KCNH1: variants seen among roughly 807,000 people sequenced by gnomAD.
KCNH1 encodes potassium voltage-gated channel subfamily H member 1.
KCNH1 carries 27 observed loss-of-function variants against 69.2 expected under a neutral mutation model. The observed-to-expected ratio is 0.39, with a 90% CI of 0.29 to 0.54. The LOEUF is 0.54. KCNH1 is among the 20% of genes least tolerant of loss of function. The pLI is 0.68. For synonymous variants in KCNH1, 456 were observed against 487.7 expected, an observed-to-expected ratio of 0.93 and a Z score of 0.86; for missense variants, 798 against 1,261.6, an observed-to-expected ratio of 0.63 and a Z score of 5.57.
chr1:210,929,514 G>T (rs1687639877), intron 6 of KCNH1, among the ~76,000 whole-genome samples: 1 of 152,172 alleles, frequency 6.6e-6, no homozygotes, highest in Non-Finnish European at 1.5e-5. Flanking sequence ...AATCTGCAGA[G>T]AAGGAACACA....
intron 3 of KCNH1, among the ~76,000 whole-genome samples, chr1:211,100,038 T>A (rs1217818935): frequency 6.6e-6 from 1 of 152,198 alleles, no homozygotes; most frequent in Admixed American, 6.5e-5. Flanking sequence ...TTTCTTTTCA[T>A]TTCTTTTTTA....
chr1:210,944,335 GGACACA>G (rs1366002955), intron 6 of KCNH1, among the ~76,000 whole-genome samples: 3 of 152,164 alleles, frequency 2.0e-5, no homozygotes, highest in African/African-American at 7.2e-5. Flanking sequence ...GGTGATACTA[GGACACA>G]ATCCCATGTT....
intron 5 of KCNH1, among the ~76,000 whole-genome samples, chr1:211,058,834 C>T (rs1317212229): frequency 6.6e-6 from 1 of 152,058 alleles, no homozygotes; most frequent in Non-Finnish European, 1.5e-5. Context: ...AATCTGTTGC[C>T]TACAAGAAAC....
At chr1:210,839,752 A>G (rs562438281) in intron 7 of KCNH1, among the ~76,000 whole-genome samples, 24 of 152,292 alleles carry the variant, frequency 1.6e-4, no homozygotes, top group Admixed American at 1.6e-3. Context: ...GTGATACTCT[A>G]CTCGATTTCA....
intron 6 of KCNH1, among the ~76,000 whole-genome samples, chr1:211,014,320 C>T (rs1321120507): frequency 6.6e-6 from 1 of 152,208 alleles, no homozygotes; most frequent in Non-Finnish European, 1.5e-5. Context: ...TTGACATACC[C>T]GTTCTAAGCT....
intron 7 of KCNH1, chr1:210,918,883 C>T (rs557135999): frequency 3.5e-4 from 53 of 152,138 alleles, no homozygotes; most frequent in African/African-American, 1.2e-3. Flanking sequence ...TTTACTTAAC[C>T]GATACATCAG....
Position 211,134,001 on chromosome 1 carries a change from G to C in KCNH1, c.-56C>G. On this transcript the variant is annotated 5_prime_UTR_variant, in exon 1 of 11. Transcript: ENST00000271751. This position sits in a 1 kb window ranked among gnomAD's most constrained non-coding sequence, Gnocchi z 5.7. ...CCTGGCGCGGCTTCTTACGACAGCAGGAAACTGGCCTCGGGGCCCGCACGC... is the reference window on the plus strand; with the variant it reads ...CCTGGCGCGGCTTCTTACGACAGCACGAAACTGGCCTCGGGGCCCGCACGC... 1 of 1,504,084 alleles carries C rather than the reference G, an allele frequency of 6.6e-7. No individual in the cohort carries two copies. The highest frequency in any genetic ancestry group is 1.1e-5 in the South Asian group (1 of 87,770). The allele number at this position is 1,504,084 out of a possible 1,614,324, so 93.2% of individuals were successfully genotyped here.
rs1685622753 is a variant in KCNH1, at chr1:210,848,985, AG to A, written c.1463-44820del. Among the ~76,000 whole-genome samples the A allele has an allele frequency of 1.6e-4, 24 of 152,348 alleles. No individual in the cohort carries two copies. The South Asian group carries it at 4.3e-3, about 28-fold the overall frequency. ...CACAACTAATTACAATTCAAGGCAA[AG>A]TAAAATAACTTTAAGAGAAAAAAAG... is the stretch of plus-strand genomic sequence containing the variant. On this transcript the variant is annotated intron_variant, in intron 7 of 10. Transcript: ENST00000271751.
intron 6 of KCNH1, among the ~76,000 whole-genome samples, chr1:211,013,700 C>T (rs1283260528): frequency 6.6e-6 from 1 of 152,182 alleles, no homozygotes; most frequent in African/African-American, 2.4e-5. Flanking sequence ...TACCTGCTCT[C>T]AAGCCACAGA....
chr1:210,917,225 GAGAGAGAA>G (rs1247782962), intron 7 of KCNH1, among the ~76,000 whole-genome samples: 1,076 of 80,442 alleles, frequency 0.013, 13 homozygotes, highest in African/African-American at 0.026. Context: ...GAGAGAGAGA[GAGAGAGAA>G]AGAAAGAAAG....
chr1:210,923,572 C>T (rs1447993075), intron 6 of KCNH1, among the ~76,000 whole-genome samples: 1 of 152,250 alleles, frequency 6.6e-6, no homozygotes, highest in Non-Finnish European at 1.5e-5. Flanking sequence ...ACTGTGCCTG[C>T]TCAGACTGGT....
intron 7 of KCNH1, among the ~76,000 whole-genome samples, chr1:210,867,572 C>A (rs1270076062): frequency 6.6e-6 from 1 of 151,900 alleles, no homozygotes; most frequent in Non-Finnish European, 1.5e-5. Flanking sequence ...CATTTCAGTT[C>A]ATAGTTTGAT....
At chr1:211,082,231 T>TGTATA (rs1690871240) in intron 5 of KCNH1, among the ~76,000 whole-genome samples, 1 of 152,182 alleles carries the variant, frequency 6.6e-6, no homozygotes, top group South Asian at 2.1e-4. Context: ...GGCAACATAA[T>TGTATA]CACATTTAAT....
chr1:211,097,739 A>G (rs1165156158), intron 3 of KCNH1, among the ~76,000 whole-genome samples: 1 of 152,208 alleles, frequency 6.6e-6, no homozygotes, highest in African/African-American at 2.4e-5. Flanking sequence ...GTACCTGGCC[A>G]GCAGCTTCTC....
chr1:210,967,178 TG>T (rs975889336), intron 6 of KCNH1, among the ~76,000 whole-genome samples: 5 of 150,666 alleles, frequency 3.3e-5, no homozygotes, highest in Admixed American at 3.3e-4. Context: ...TGTCAGGGGT[TG>T]GGGGGCTAGG....
intron 4 of KCNH1, 37 bp from the exon 5 acceptor site, chr1:211,082,935 C>T (rs748593112): frequency 6.5e-7 from 1 of 1,544,668 alleles, no homozygotes; most frequent in Non-Finnish European, 8.9e-7. Context: ...CAGGGTCAAC[C>T]ACATCCCAAA....
chr1:211,122,918 C>T (rs186710074), intron 1 of KCNH1, among the ~76,000 whole-genome samples: 1 of 150,916 alleles, frequency 6.6e-6, no homozygotes, highest in African/African-American at 2.4e-5. Flanking sequence ...CAAACCTGCA[C>T]GTTCTGCATA....
chr1:210,814,285 T>C (rs1295949487), intron 7 of KCNH1, among the ~76,000 whole-genome samples: 3 of 152,158 alleles, frequency 2.0e-5, no homozygotes, highest in Non-Finnish European at 1.5e-5. Context: ...TTGTATATAA[T>C]AAATAATTAC....
intron 7 of KCNH1, among the ~76,000 whole-genome samples, chr1:210,821,452 C>G (rs148229651): frequency 6.6e-6 from 1 of 152,136 alleles, no homozygotes; most frequent in Non-Finnish European, 1.5e-5. Context: ...AACAGGTCAG[C>G]GTATGGTGTC....
Sources: gnomAD v4.1 joint callset for allele counts (sites outside exome capture counted in the v4.1 genomes callset) on GRCh38, gnomAD v4.1.1 for gene constraint, Gnocchi (gnomAD v3.1) non-coding constraint, MANE v1.5 for transcripts, NCBI Gene and HGNC (gene_info 2026-07-23, HGNC 2026-07-21) for gene names.